DCAF17: variants seen among roughly 807,000 people sequenced by gnomAD.
DCAF17 encodes DDB1 and CUL4 associated factor 17, also known as DDB1- and CUL4-associated factor 17.
DCAF17 carries 48 observed loss-of-function variants against 66.0 expected under a neutral mutation model. That is an observed-to-expected ratio of 0.73 (90% CI 0.58 to 0.92). DCAF17 has a LOEUF of 0.92. DCAF17 is among the 40% of genes least tolerant of loss of function. DCAF17 has a pLI of 0.00. For synonymous variants in DCAF17, 206 were observed against 214.6 expected (o/e 0.96, Z 0.35); for missense variants, 562 against 622.8 (o/e 0.90, Z 1.04).
chr2:171,473,836 T>G, intron 9 of DCAF17, 30 bp from the exon 10 acceptor site: 1 of 1,551,138 alleles, frequency 6.4e-7, no homozygotes, highest in East Asian at 2.3e-5. Flanking sequence ...TCCCTTAATC[T>G]TTGTCTTTAA....
At chr2:171,467,765 G>GA (rs1238570929) in intron 8 of DCAF17, among the ~76,000 whole-genome samples, 10 of 149,976 alleles carry the variant, frequency 6.7e-5, no homozygotes, top group African/African-American at 2.4e-4. Flanking sequence ...GTTGTACGTG[G>GA]ATTTTTGACT....
At chr2:171,465,602 C>G (rs957025077) in intron 8 of DCAF17, among the ~76,000 whole-genome samples, 2 of 152,154 alleles carry the variant, frequency 1.3e-5, no homozygotes, top group African/African-American at 4.8e-5. Flanking sequence ...GCCTCAGCCT[C>G]CTGGGTAGCT....
At chr2:171,479,114 A>G (rs556252318) in intron 12 of DCAF17, among the ~76,000 whole-genome samples, 2 of 152,352 alleles carry the variant, frequency 1.3e-5, no homozygotes, top group South Asian at 4.1e-4. Context: ...AAAAGGAAAT[A>G]ACGTAAAAGT....
At chr2:171,443,704 T>C in intron 3 of DCAF17, 91 bp downstream of exon 3, 1 of 991,018 alleles carries the variant, frequency 1.0e-6, no homozygotes, top group Non-Finnish European at 1.6e-6. Context: ...ATAATACAAC[T>C]TAAATATCAT....
chr2:171,483,442 T>C lies in DCAF17; in HGVS notation c.*2328T>C, dbSNP rs1436120273. Reference sequence around the variant, plus strand: ...GTGCATTCTGCATTGCACTCCTGGATCTAAGTTTCTGCATTCTCAGAGCAT... The same window carrying C: ...GTGCATTCTGCATTGCACTCCTGGACCTAAGTTTCTGCATTCTCAGAGCAT... On this transcript the variant is annotated 3_prime_UTR_variant, in exon 14 of 14. Coordinates refer to ENST00000375255, the MANE Select transcript of DCAF17 (RefSeq NM_025000.4). The C allele has an allele frequency of 2.2e-6, 1 of 454,146 alleles. No homozygotes were observed. The highest frequency in any genetic ancestry group is 2.3e-5 in the Admixed American group (1 of 42,576). The allele number at this position is 454,146 out of a possible 1,614,324, so 28.1% of individuals were successfully genotyped here. A position where few individuals can be genotyped will look rare whatever the true frequency, so the allele number is the denominator to read the frequency against.
chr2:171,480,098 C>T lies in DCAF17; in HGVS notation c.1327C>T (p.Gln443Ter). Residue 443 changes from glutamine (Q) to a stop codon, truncating the protein, a stop_gained, in exon 13 of 14, where the codon CAA becomes TAA. Coordinates refer to ENST00000375255, the MANE Select transcript of DCAF17 (RefSeq NM_025000.4). LOFTEE classifies it high-confidence loss of function. ...LDLLSVVAVT[Q>*]IDAEGKAHLD... ...TTTGCTTTCTGTGGTAGCTGTTACT[C>T]AAATAGATGCTGAAGGAAAAGCTCA... The T allele has an allele frequency of 6.2e-7, 1 of 1,613,740 alleles. No homozygotes were observed. The highest frequency in any genetic ancestry group is 8.5e-7 in the Non-Finnish European group (1 of 1,179,796).
intron 3 of DCAF17, among the ~76,000 whole-genome samples, chr2:171,445,557 C>G (rs540447781): frequency 1.7e-4 from 26 of 152,302 alleles, no homozygotes; most frequent in African/African-American, 6.3e-4. Context: ...TAGTGTCCAT[C>G]TTTTCCAAGA....
rs1461498220 is a variant in DCAF17, at chr2:171,469,401, G to A, written c.981+371G>A. 6.6e-5 allele frequency among the ~76,000 whole-genome samples: 10 copies of A among 152,294 alleles called. No individual in the cohort carries two copies. The East Asian group carries it at 1.4e-3, about 21-fold the overall frequency. On this transcript the variant is annotated intron_variant, in intron 9 of 13. Coordinates refer to ENST00000375255, the MANE Select transcript of DCAF17 (RefSeq NM_025000.4). ...TGTTGGTTCTGCTTCTCCACGGCTTGTTGCTCTTTGCCTTCCAGAGCAGAA... is the reference window on the plus strand; with the variant it reads ...TGTTGGTTCTGCTTCTCCACGGCTTATTGCTCTTTGCCTTCCAGAGCAGAA...
chr2:171,463,931 C>T (rs1057365694), intron 8 of DCAF17, among the ~76,000 whole-genome samples: 13 of 152,186 alleles, frequency 8.5e-5, no homozygotes, highest in African/African-American at 3.1e-4. Context: ...GTATAATAGT[C>T]ACTTTTGATG....
At position 171,484,429 on chromosome 2, in the gene DCAF17, C is replaced by T. The variant is rs973249185; in HGVS notation, c.*3315C>T. On this transcript the variant is annotated 3_prime_UTR_variant, in exon 14 of 14. Transcript: ENST00000375255. Reference sequence around the variant, plus strand: ...AGAATTTTATAGTAAATACTGACCACGGGGATTCTACATCTTACTCTACTT... The same window carrying T: ...AGAATTTTATAGTAAATACTGACCATGGGGATTCTACATCTTACTCTACTT... The T allele has an allele frequency of 9.7e-6, 4 of 412,548 alleles. No homozygotes were observed. The highest frequency in any genetic ancestry group is 2.1e-5 in the African/African-American group (1 of 47,756). 25.6% of individuals were successfully genotyped at this position (412,548 alleles called of 1,614,324 possible). A position where few individuals can be genotyped will look rare whatever the true frequency, so the allele number is the denominator to read the frequency against.
At chr2:171,468,021 G>C (rs1696024975) in intron 8 of DCAF17, among the ~76,000 whole-genome samples, 2 of 152,134 alleles carry the variant, frequency 1.3e-5, no homozygotes, top group Non-Finnish European at 2.9e-5. Flanking sequence ...GGCAGTCATA[G>C]GTTAGCCACC....
At chr2:171,443,100 A>C (rs1276211852) in intron 2 of DCAF17, 1 of 152,186 alleles carries the variant, frequency 6.6e-6, no homozygotes, top group Non-Finnish European at 1.5e-5. Flanking sequence ...TTCATTCTAA[A>C]ATAATGGGAC....
intron 10 of DCAF17, 102 bp from the exon 11 acceptor site, chr2:171,476,758 A>C: frequency 1.3e-6 from 1 of 774,288 alleles, no homozygotes; most frequent in East Asian, 2.6e-5. Context: ...CCTCAGTGTT[A>C]CTATAATTTT....
At chr2:171,467,287 G>A (rs1046638235) in intron 8 of DCAF17, among the ~76,000 whole-genome samples, 3 of 152,064 alleles carry the variant, frequency 2.0e-5, no homozygotes, top group Non-Finnish European at 4.4e-5. Context: ...AAAGGTACAT[G>A]ATGAGTGCAT....
chr2:171,480,295 T>G, intron 13 of DCAF17, 102 bp downstream of exon 13: 2 of 1,415,618 alleles, frequency 1.4e-6, no homozygotes, highest in Non-Finnish European at 1.9e-6. Flanking sequence ...GACTCACCTA[T>G]GCCAATGACC....
At position 171,477,980 on chromosome 2, in the gene DCAF17, A is replaced by G. The variant is rs755358041; in HGVS notation, c.1183-7A>G. ...GTCATATCTTTTTATTTCTTTCCAT[A>G]TGATAGAATGAAAATGTACTCACTG... On this transcript the variant is annotated splice_polypyrimidine_tract_variant and splice_region_variant and intron_variant, in intron 11 of 13. Transcript: ENST00000375255. 30 of 1,608,528 alleles carry G rather than the reference A, an allele frequency of 1.9e-5. No homozygotes were observed. The highest frequency in any genetic ancestry group is 4.5e-5 in the East Asian group (2 of 44,858).
chr2:171,479,879 A>G (rs924291509), intron 12 of DCAF17, 159 bp from the exon 13 acceptor site: 21 of 780,658 alleles, frequency 2.7e-5, no homozygotes, highest in Non-Finnish European at 4.0e-5. Flanking sequence ...TACTAGGCAT[A>G]TAAACAGATA....
chr2:171,460,028 T>C (rs1225462097), intron 8 of DCAF17, among the ~76,000 whole-genome samples: 1 of 152,028 alleles, frequency 6.6e-6, no homozygotes, highest in Non-Finnish European at 1.5e-5. Context: ...GAAATGCAAA[T>C]AAAAAGTAAG....
chr2:171,447,295 C>T, intron 3 of DCAF17: 1 of 234,588 alleles, frequency 4.3e-6, no homozygotes, highest in Non-Finnish European at 8.8e-6. Context: ...ACTATGTCTT[C>T]ATTCTTTTCT....
Sources: allele counts gnomAD v4.1 joint callset (sites outside exome capture counted in the v4.1 genomes callset), GRCh38; gene constraint gnomAD v4.1.1; transcripts MANE v1.5; gene names NCBI Gene and HGNC (gene_info 2026-07-23, HGNC 2026-07-21).